Variants in SOWAHC observed in about 807,000 individuals in gnomAD.
SOWAHC encodes sosondowah ankyrin repeat domain family member C.
SOWAHC carries 12 observed loss-of-function variants against 14.4 expected under a neutral mutation model. That is an observed-to-expected ratio of 0.83 (90% CI 0.53 to 1.35). The LOEUF (loss-of-function observed/expected upper bound fraction) is 1.35, where lower values mean the gene tolerates loss of function less well. Among genes scored for constraint, SOWAHC ranks in the 40% most tolerant of loss-of-function variants. SOWAHC has a pLI of 0.00. For missense variants in SOWAHC, 771 were observed against 752.8 expected (o/e 1.02, Z -0.28); for synonymous variants, 398 against 347.0 (o/e 1.15, Z -1.63).
rs1402941026 is a variant in SOWAHC at position 109,615,288 on chromosome 2, C to T, written c.799C>T (p.Leu267=). 4 of 1,594,762 alleles carry T rather than the reference C, an allele frequency of 2.5e-6. No homozygotes were observed. The African/African-American group carries it at 4.0e-5, about 16-fold the overall frequency. ...CGGAGGCTCCGTGACGCTGGACCCC[C>T]TGGAGCACGCGTGGATGCTCTCTGC... ...SGGGSVTLDP[L]EHAWMLSASD... Residue 267 remains leucine, a synonymous_variant, in exon 1 of 1, where the codon CTG becomes TTG. Transcript: ENST00000356454.
rs1700104168 is a variant in SOWAHC at position 109,615,547 on chromosome 2, A to G, written c.1058A>G (p.His353Arg). 2 of 1,613,966 alleles carry G rather than the reference A, an allele frequency of 1.2e-6. No homozygotes were observed. Among genetic ancestry groups the G allele is most frequent in the Non-Finnish European group, 8.5e-7 (1 of 1,180,030 alleles). Residue 353 changes from histidine (H) to arginine (R), a missense_variant, in exon 1 of 1, where the codon CAC becomes CGC. By Grantham distance (29) the His-to-Arg change is conservative. Coordinates refer to ENST00000356454, the MANE Select transcript of SOWAHC (RefSeq NM_023016.4). ...CTGCACTTGGCAGCCATGCACGGCC[A>G]CGTGGAGGTGGTGAAGCTGCTGGTG... ...TALHLAAMHG[H>R]VEVVKLLVGA...
At position 109,615,403 on chromosome 2, in the gene SOWAHC, G is replaced by T. The variant is rs576498830; in HGVS notation, c.914G>T (p.Cys305Phe). Reference protein sequence around the residue: ...VKRDFITGFTCLHWAAKHGRQ... With the variant: ...VKRDFITGFTFLHWAAKHGRQ... ...CGGGACTTCATTACCGGCTTCACTT[G>T]CCTGCACTGGGCCGCCAAGCACGGC... The change falls in exon 1 of 1, where the codon TGC becomes TTC. Residue 305 changes from cysteine (C) to phenylalanine (F), a missense_variant. Physicochemically the swap from Cys to Phe is radical, Grantham distance 205. Coordinates refer to ENST00000356454, the MANE Select transcript of SOWAHC (RefSeq NM_023016.4). The T allele has an allele frequency of 6.2e-7, 1 of 1,613,062 alleles. No individual in the cohort carries two copies. The highest frequency in any genetic ancestry group is 1.7e-5 in the Admixed American group (1 of 60,030).
rs552581811 is a variant in SOWAHC at position 109,616,441 on chromosome 2, T to C, written c.*374T>C. 1 of 172,482 alleles carries C rather than the reference T, an allele frequency of 5.8e-6. No homozygotes were observed. The highest frequency in any genetic ancestry group is 2.4e-5 in the African/African-American group (1 of 41,790). The allele number at this position is 172,482 out of a possible 1,614,324, so 10.7% of individuals were successfully genotyped here. A position where few individuals can be genotyped will look rare whatever the true frequency, so the allele number is the denominator to read the frequency against. ...ATAATGCAGTTTTTATGTATCTGATTTTATAAGGGGTTACTCTTTCAAGAG... is the reference window on the plus strand; with the variant it reads ...ATAATGCAGTTTTTATGTATCTGATCTTATAAGGGGTTACTCTTTCAAGAG... On this transcript the variant is annotated 3_prime_UTR_variant, in exon 1 of 1. Coordinates refer to ENST00000356454, the MANE Select transcript of SOWAHC (RefSeq NM_023016.4).
Position 109,614,532 on chromosome 2 carries a change from C to T in SOWAHC, c.43C>T (p.Pro15Ser), listed in dbSNP as rs1290748825. 3 of 1,286,832 alleles carry T rather than the reference C, an allele frequency of 2.3e-6. No homozygotes were observed. Among genetic ancestry groups the T allele is most frequent in the Non-Finnish European group, 2.9e-6 (3 of 1,024,194 alleles). 79.7% of individuals were successfully genotyped at this position (1,286,832 alleles called of 1,614,324 possible). Reference sequence around the variant, plus strand: ...GTGGGGCCCCGAGGCGGCGCTGGGCCCCGAGGCGGTGCTGCGCTTCCTGGC... The same window carrying T: ...GTGGGGCCCCGAGGCGGCGCTGGGCTCCGAGGCGGTGCTGCGCTTCCTGGC... ...AEWGPEAALG[P>S]EAVLRFLAER... The change falls in exon 1 of 1, where the codon CCC becomes TCC. Residue 15 changes from proline to serine, a missense_variant. Coordinates refer to ENST00000356454, the MANE Select transcript of SOWAHC (RefSeq NM_023016.4).
rs749995009 is a variant in SOWAHC, at chr2:109,614,875, G to T, written c.386G>T (p.Gly129Val). The T allele has an allele frequency of 7.7e-6, 11 of 1,425,818 alleles. No homozygotes were observed. Among genetic ancestry groups the T allele is most frequent in the South Asian group, 6.0e-5 (4 of 66,152 alleles). The allele number at this position is 1,425,818 out of a possible 1,614,324, so 88.3% of individuals were successfully genotyped here. Reference protein sequence around the residue: ...PDAAAPESLPGQGRELGEGEP... With the variant: ...PDAAAPESLPVQGRELGEGEP... The stretch of plus-strand genomic sequence containing the variant: ...GCGGCGGCCCCGGAGTCGCTCCCTG[G>T]ACAGGGCCGCGAGCTGGGCGAGGGA... Residue 129 changes from glycine to valine, a missense_variant, in exon 1 of 1, where the codon GGA (glycine) becomes GTA (valine). Physicochemically the swap from Gly to Val is moderately radical, Grantham distance 109 (BLOSUM62 -3). Transcript: ENST00000356454.
Position 109,614,588 on chromosome 2 carries a change from G to C in SOWAHC, c.99G>C (p.Glu33Asp). Residue 33 changes from glutamate (E) to aspartate (D), a missense_variant, in exon 1 of 1, where the codon GAG becomes GAC. Coordinates refer to ENST00000356454, the MANE Select transcript of SOWAHC (RefSeq NM_023016.4). ...AERGGRALHA[E>D]LVQHFRGALG... ...GCGGGGGCCGGGCCCTGCACGCCGA[G>C]CTGGTGCAGCACTTCAGGGGCGCCC... 2 of 1,420,034 alleles carry C rather than the reference G, an allele frequency of 1.4e-6. No individual in the cohort carries two copies. Among genetic ancestry groups the C allele is most frequent in the Non-Finnish European group, 1.8e-6 (2 of 1,089,008 alleles). The allele number at this position is 1,420,034 out of a possible 1,614,324, so 88.0% of individuals were successfully genotyped here. A position where few individuals can be genotyped will look rare whatever the true frequency, so the allele number is the denominator to read the frequency against.
rs935371681 is a variant in SOWAHC, at chr2:109,618,793, AGT to A, written c.*2729_*2730del. 2.3e-4 allele frequency: 38 copies of A among 167,004 alleles called. No individual in the cohort carries two copies. The highest frequency in any genetic ancestry group is 8.9e-4 in the African/African-American group (37 of 41,448). The allele number at this position is 167,004 out of a possible 1,614,324, so 10.3% of individuals were successfully genotyped here. A position where few individuals can be genotyped will look rare whatever the true frequency, so the allele number is the denominator to read the frequency against. ...TTATAAGGTACACTTGAAACTAGTG[AGT>A]GTTTGTCACATTTCACTTTCATGGT... On this transcript the variant is annotated 3_prime_UTR_variant, in exon 1 of 1. Coordinates refer to ENST00000356454, the MANE Select transcript of SOWAHC (RefSeq NM_023016.4).
At position 109,614,783 on chromosome 2, in the gene SOWAHC, G is replaced by C. The variant is rs1385216032; in HGVS notation, c.294G>C (p.Gln98His). The C allele has an allele frequency of 6.8e-7, 1 of 1,477,052 alleles. No homozygotes were observed. Among genetic ancestry groups the C allele is most frequent in the Admixed American group, 2.3e-5 (1 of 42,716 alleles). The allele number at this position is 1,477,052 out of a possible 1,614,324, so 91.5% of individuals were successfully genotyped here. A position where few individuals can be genotyped will look rare whatever the true frequency, so the allele number is the denominator to read the frequency against. ...SEPSGDPPRI[Q>H]VTAEPEAPDG... ...CCTCCGGGGACCCGCCGCGAATCCA[G>C]GTGACCGCCGAGCCCGAGGCCCCCG... Residue 98 changes from glutamine (Q) to histidine (H), a missense_variant, in exon 1 of 1, where the codon CAG becomes CAC. Coordinates refer to ENST00000356454, the MANE Select transcript of SOWAHC (RefSeq NM_023016.4).
chr2:109,614,697 C>T lies in SOWAHC; in HGVS notation c.208C>T (p.Pro70Ser), dbSNP rs1274724281. ...CGCCGTGGCCACTGTGCGCGTCGAT[C>T]CCGCCGACGGCGCCAAGTACGTGCA... is the stretch of plus-strand genomic sequence containing the variant. ...VNAVATVRVD[P>S]ADGAKYVHLK... Residue 70 changes from proline (P) to serine (S), a missense_variant, in exon 1 of 1, where the codon CCC (proline) becomes TCC (serine). Physicochemically the swap from Pro to Ser is moderately conservative, Grantham distance 74 (BLOSUM62 -1). Transcript: ENST00000356454. The T allele has an allele frequency of 1.3e-6, 2 of 1,488,492 alleles. No individual in the cohort carries two copies. Among genetic ancestry groups the T allele is most frequent in the Non-Finnish European group, 1.8e-6 (2 of 1,123,856 alleles). The allele number at this position is 1,488,492 out of a possible 1,614,324, so 92.2% of individuals were successfully genotyped here.
Position 109,615,447 on chromosome 2 carries a change from A to G in SOWAHC, c.958A>G (p.Met320Val), listed in dbSNP as rs1573943990. The part of the protein sequence containing the change: ...AKHGRQELLA[M>V]LVNFANKHQL... ...GCACGGCAGGCAGGAGCTTCTGGCCATGCTAGTCAACTTCGCCAACAAACA... is the reference window on the plus strand; with the variant it reads ...GCACGGCAGGCAGGAGCTTCTGGCCGTGCTAGTCAACTTCGCCAACAAACA... The change falls in exon 1 of 1, where the codon ATG (methionine) becomes GTG (valine). Residue 320 changes from methionine (M) to valine (V), a missense_variant. Transcript: ENST00000356454. 1 of 1,613,140 alleles carries G rather than the reference A, an allele frequency of 6.2e-7. No homozygotes were observed. The highest frequency in any genetic ancestry group is 8.5e-7 in the Non-Finnish European group (1 of 1,180,024).
rs2106435763 is a variant in SOWAHC at position 109,615,336 on chromosome 2, C to T, written c.847C>T (p.Leu283=). The change falls in exon 1 of 1, where the codon CTG becomes TTG. Residue 283 remains leucine (L), a synonymous_variant. Coordinates refer to ENST00000356454, the MANE Select transcript of SOWAHC (RefSeq NM_023016.4). ...TGCCTCCGATGGCAAGTGGGACAGC[C>T]TGGAGGGCTTGCTCACCTGCGAGCC... ...LSASDGKWDS[L]EGLLTCEPGL... The T allele has an allele frequency of 1.2e-6, 2 of 1,611,980 alleles. No individual in the cohort carries two copies. The highest frequency in any genetic ancestry group is 8.5e-7 in the Non-Finnish European group (1 of 1,179,698).
rs767038097 is a variant in SOWAHC at position 109,614,822 on chromosome 2, G to T, written c.333G>T (p.Gly111=). 10 of 1,437,820 alleles carry T rather than the reference G, an allele frequency of 7.0e-6. 1 individual carries two copies. In the South Asian group the frequency reaches 1.4e-4, roughly 20 times the overall value. The allele number at this position is 1,437,820 out of a possible 1,614,324, so 89.1% of individuals were successfully genotyped here. A position where few individuals can be genotyped will look rare whatever the true frequency, so the allele number is the denominator to read the frequency against. The change falls in exon 1 of 1, where the codon GGG becomes GGT. Residue 111 remains glycine (G), a synonymous_variant. Transcript: ENST00000356454. ...AEPEAPDGPA[G]PEARDRLPDA... ...CCGAGGCCCCCGACGGCCCTGCCGG[G>T]CCCGAGGCGCGCGATCGGCTCCCCG...
chr2:109,614,861 G>A lies in SOWAHC; in HGVS notation c.372G>A (p.Pro124=). The change falls in exon 1 of 1, where the codon CCG becomes CCA. Residue 124 remains proline (P), a synonymous_variant. Transcript: ENST00000356454. The part of the protein sequence containing the change: ...ARDRLPDAAA[P]ESLPGQGREL... ...ATCGGCTCCCCGACGCGGCGGCCCCGGAGTCGCTCCCTGGACAGGGCCGCG... is the reference window on the plus strand; with the variant it reads ...ATCGGCTCCCCGACGCGGCGGCCCCAGAGTCGCTCCCTGGACAGGGCCGCG... 7.1e-7 allele frequency: 1 copy of A among 1,399,622 alleles called. No homozygotes were observed. Among genetic ancestry groups the A allele is most frequent in the Non-Finnish European group, 9.2e-7 (1 of 1,088,298 alleles). 86.7% of individuals were successfully genotyped at this position (1,399,622 alleles called of 1,614,324 possible).
In SOWAHC at chr2:109,615,463, C is replaced by T; in HGVS notation, c.974C>T (p.Ala325Val). 3.7e-6 allele frequency: 6 copies of T among 1,613,360 alleles called. No individual in the cohort carries two copies. The highest frequency in any genetic ancestry group is 4.2e-6 in the Non-Finnish European group (5 of 1,180,046). Residue 325 changes from alanine (A) to valine (V), a missense_variant, in exon 1 of 1, where the codon GCC (alanine) becomes GTC (valine). Coordinates refer to ENST00000356454, the MANE Select transcript of SOWAHC (RefSeq NM_023016.4). ...CTTCTGGCCATGCTAGTCAACTTCGCCAACAAACACCAGCTGCCGGTGAAC... is the reference window on the plus strand; with the variant it reads ...CTTCTGGCCATGCTAGTCAACTTCGTCAACAAACACCAGCTGCCGGTGAAC... ...QELLAMLVNF[A>V]NKHQLPVNID...
chr2:109,615,959 C>T lies in SOWAHC; in HGVS notation c.1470C>T (p.Asp490=), dbSNP rs750985353. The T allele has an allele frequency of 3.8e-6, 6 of 1,582,984 alleles. No homozygotes were observed. Among genetic ancestry groups the T allele is most frequent in the Non-Finnish European group, 5.1e-6 (6 of 1,166,066 alleles). Residue 490 remains aspartate (D), a synonymous_variant, in exon 1 of 1, where the codon GAC becomes GAT. Coordinates refer to ENST00000356454, the MANE Select transcript of SOWAHC (RefSeq NM_023016.4). Reference sequence around the variant, plus strand: ...TCCACACCACACCCTCTTTCAGGGACCCAGAGCAGCCGCTGGAGGGCAGGG... The same window carrying T: ...TCCACACCACACCCTCTTTCAGGGATCCAGAGCAGCCGCTGGAGGGCAGGG... ...QIVHTTPSFR[D]PEQPLEGRGE...
chr2:109,615,089 G>A lies in SOWAHC; in HGVS notation c.600G>A (p.Pro200=). 6.5e-7 allele frequency: 1 copy of A among 1,549,594 alleles called. No individual in the cohort carries two copies. Among genetic ancestry groups the A allele is most frequent in the Non-Finnish European group, 8.7e-7 (1 of 1,146,778 alleles). The change falls in exon 1 of 1, where the codon CCG becomes CCA. Residue 200 remains proline (P), a synonymous_variant. Transcript: ENST00000356454. ...TTGTGGGGGCTACCGCACAGAGGCCGGCCCGCCAGAACCTCCGTGACCTGG... is the reference window on the plus strand; with the variant it reads ...TTGTGGGGGCTACCGCACAGAGGCCAGCCCGCCAGAACCTCCGTGACCTGG... ...SSLVGATAQR[P]ARQNLRDLVM... is the part of the protein sequence containing the mutation.
chr2:109,615,006 A>C lies in SOWAHC; in HGVS notation c.517A>C (p.Ser173Arg). The C allele has an allele frequency of 6.5e-7, 1 of 1,544,718 alleles. No homozygotes were observed. Among genetic ancestry groups the C allele is most frequent in the Non-Finnish European group, 8.7e-7 (1 of 1,146,362 alleles). ...PLPRTPAPGP[S>R]EDLELPPHGC... is the part of the protein sequence containing the mutation. ...ACCGCGGACTCCAGCCCCGGGGCCC[A>C]GCGAGGACCTGGAGCTCCCGCCACA... The change falls in exon 1 of 1, where the codon AGC becomes CGC. Residue 173 changes from serine to arginine, a missense_variant. By Grantham distance (110) the Ser-to-Arg change is moderately radical (BLOSUM62 -1). Transcript: ENST00000356454.
chr2:109,615,683 C>T lies in SOWAHC; in HGVS notation c.1194C>T (p.Asp398=). Residue 398 remains aspartate (D), a synonymous_variant, in exon 1 of 1, where the codon GAC becomes GAT. Coordinates refer to ENST00000356454, the MANE Select transcript of SOWAHC (RefSeq NM_023016.4). ...EEIKNLVGAL[D]EGDGESAAGS... is the part of the protein sequence containing the mutation. ...TCAAGAACCTGGTGGGAGCCCTGGA[C>T]GAGGGTGACGGGGAAAGCGCCGCGG... is the stretch of plus-strand genomic sequence containing the variant. 2.5e-6 allele frequency: 4 copies of T among 1,614,010 alleles called. No homozygotes were observed. Among genetic ancestry groups the T allele is most frequent in the East Asian group, 2.2e-5 (1 of 44,866 alleles).
rs779463478 is a variant in SOWAHC at position 109,615,495 on chromosome 2, G to A, written c.1006G>A (p.Ala336Thr). 2.1e-5 allele frequency: 34 copies of A among 1,613,576 alleles called. No individual in the cohort carries two copies. Among genetic ancestry groups the A allele is most frequent in the Admixed American group, 5.0e-5 (3 of 60,014 alleles). Residue 336 changes from alanine to threonine, a missense_variant, in exon 1 of 1, where the codon GCC becomes ACC. Transcript: ENST00000356454. The part of the protein sequence containing the change: ...NKHQLPVNID[A>T]RTSGGYTALH... ...ACACCAGCTGCCGGTGAACATCGAC[G>A]CCAGGACGAGCGGGGGTTACACCGC...
Sources: allele counts gnomAD v4.1 joint callset, GRCh38; gene constraint gnomAD v4.1.1; transcripts MANE v1.5; gene names NCBI Gene and HGNC (gene_info 2026-07-23, HGNC 2026-07-21).